PITPNC1: variants seen among roughly 807,000 people sequenced by gnomAD.
PITPNC1 encodes the protein cytoplasmic phosphatidylinositol transfer protein 1.
In PITPNC1, 18 loss-of-function variants were observed where a neutral mutation model predicts 44.7. The observed-to-expected ratio is 0.40, with a 90% confidence interval of 0.28 to 0.60. The LOEUF (loss-of-function observed/expected upper bound fraction) is 0.60. PITPNC1 is among the 20% of genes least tolerant of loss of function. The pLI, the probability that PITPNC1 is intolerant of heterozygous loss-of-function variation, is 0.39. For synonymous variants in PITPNC1, 141 were observed against 149.6 expected (o/e 0.94, Z 0.42); for missense variants, 290 against 418.4 (o/e 0.69, Z 2.68).
At chr17:67,485,367 G>C (rs1366864375) in intron 1 of PITPNC1, among the ~76,000 whole-genome samples, 1 of 141,388 alleles carries the variant, frequency 7.1e-6, no homozygotes, top group East Asian at 2.0e-4. Flanking sequence ...CATTAGTTGG[G>C]TGATTTTTTT....
intron 6 of PITPNC1, among the ~76,000 whole-genome samples, chr17:67,664,907 A>C (rs1382948904): frequency 6.8e-6 from 1 of 148,088 alleles, no homozygotes; most frequent in Non-Finnish European, 1.5e-5. Flanking sequence ...TCCATCTCAA[A>C]AAAAAAAAAA....
intron 8 of PITPNC1, among the ~76,000 whole-genome samples, chr17:67,677,516 G>A (rs984694839): frequency 6.6e-6 from 1 of 152,024 alleles, no homozygotes; most frequent in African/African-American, 2.4e-5. Flanking sequence ...GAAGGCGATG[G>A]GGCCTGACTT....
chr17:67,633,920 C>T (rs77360661), intron 6 of PITPNC1, among the ~76,000 whole-genome samples: 1,655 of 152,324 alleles, frequency 0.011, 29 homozygotes, highest in African/African-American at 0.038. Context: ...TGTGCTTTGG[C>T]GTGGCTCTGC....
chr17:67,378,232 C>A, intron 1 of PITPNC1, 30 bp downstream of exon 1: 1 of 1,429,768 alleles, frequency 7.0e-7, no homozygotes. Context: ...CGGCCTCGCC[C>A]GCTCCGGGAC....
At chr17:67,431,552 G>C (rs1181625556) in intron 1 of PITPNC1, among the ~76,000 whole-genome samples, 1 of 152,188 alleles carries the variant, frequency 6.6e-6, no homozygotes, top group Non-Finnish European at 1.5e-5. Context: ...TTTGGCCAGA[G>C]ATATTAATAA....
At chr17:67,499,251 G>T (rs936721034) in intron 1 of PITPNC1, among the ~76,000 whole-genome samples, 2 of 152,122 alleles carry the variant, frequency 1.3e-5, no homozygotes, top group Non-Finnish European at 2.9e-5. Context: ...GTCTCGCTCT[G>T]TTGCCCATGT....
intron 6 of PITPNC1, among the ~76,000 whole-genome samples, chr17:67,651,223 G>T (rs1392604249): frequency 1.2e-4 from 18 of 152,060 alleles, no homozygotes; most frequent in Non-Finnish European, 5.9e-5. Flanking sequence ...TTAAAAAACA[G>T]CTTTATTGGC....
chr17:67,630,573 C>T (rs1209593174), intron 5 of PITPNC1, among the ~76,000 whole-genome samples: 1 of 152,072 alleles, frequency 6.6e-6, no homozygotes, highest in Admixed American at 6.5e-5. Context: ...GAGCTCAGAT[C>T]CCACCACTTC....
At chr17:67,394,890 G>A (rs1032515980) in intron 1 of PITPNC1, among the ~76,000 whole-genome samples, 7 of 150,578 alleles carry the variant, frequency 4.6e-5, no homozygotes, top group East Asian at 3.9e-4. Flanking sequence ...GTGAGACCCC[G>A]TCTCGAGGAA....
At chr17:67,531,336 T>C (rs1166403391) in intron 1 of PITPNC1, among the ~76,000 whole-genome samples, 1 of 152,222 alleles carries the variant, frequency 6.6e-6, no homozygotes, top group Non-Finnish European at 1.5e-5. Flanking sequence ...CAAGCACAGG[T>C]GCACACACAC....
chr17:67,546,218 T>C (rs985823468), intron 2 of PITPNC1, among the ~76,000 whole-genome samples: 1 of 151,282 alleles, frequency 6.6e-6, no homozygotes, highest in Non-Finnish European at 1.5e-5. Context: ...AAACAGTATA[T>C]CGTCTAGAAT....
At chr17:67,493,108 A>T (rs1158199439) in intron 1 of PITPNC1, among the ~76,000 whole-genome samples, 3 of 152,138 alleles carry the variant, frequency 2.0e-5, no homozygotes, top group Non-Finnish European at 4.4e-5. Flanking sequence ...TCCGATTTGG[A>T]ATCTCTGTGT....
intron 5 of PITPNC1, among the ~76,000 whole-genome samples, chr17:67,630,927 G>A (rs2041957520): frequency 6.6e-6 from 1 of 151,610 alleles, no homozygotes; most frequent in Admixed American, 6.6e-5. Flanking sequence ...GGCCAAGCTG[G>A]TCTCAAACTC....
intron 1 of PITPNC1, among the ~76,000 whole-genome samples, chr17:67,476,853 G>T (rs1478811842): frequency 1.3e-5 from 2 of 152,072 alleles, no homozygotes; most frequent in Non-Finnish European, 2.9e-5. Context: ...GCTGCCTGGG[G>T]TTGAAGCGCT....
At chr17:67,438,516 A>G (rs1356386021) in intron 1 of PITPNC1, among the ~76,000 whole-genome samples, 7 of 152,114 alleles carry the variant, frequency 4.6e-5, no homozygotes, top group Non-Finnish European at 8.8e-5. Context: ...GGGTTTCACC[A>G]TGTTGGCCAA....
At chr17:67,585,797 G>A (rs917509620) in intron 5 of PITPNC1, among the ~76,000 whole-genome samples, 2 of 152,080 alleles carry the variant, frequency 1.3e-5, no homozygotes, top group Admixed American at 6.5e-5. Flanking sequence ...AGAGAGAGAC[G>A]CTGTCTCAAA....
At chr17:67,683,280 A>G (rs1376747932) in intron 8 of PITPNC1, among the ~76,000 whole-genome samples, 1 of 152,166 alleles carries the variant, frequency 6.6e-6, no homozygotes, top group African/African-American at 2.4e-5. Context: ...ATCAATCAAT[A>G]ATAAAGATGA....
At chr17:67,623,267 T>C (rs768815536) in intron 5 of PITPNC1, among the ~76,000 whole-genome samples, 1 of 152,202 alleles carries the variant, frequency 6.6e-6, no homozygotes. Context: ...GTATCCTCAG[T>C]AGCTTGTACA....
intron 1 of PITPNC1, among the ~76,000 whole-genome samples, chr17:67,503,439 G>A (rs1411374746): frequency 6.6e-6 from 1 of 152,140 alleles, no homozygotes; most frequent in Non-Finnish European, 1.5e-5. Flanking sequence ...CCATCTTGAC[G>A]GGGAGGGAGG....
Sources: allele counts gnomAD v4.1 joint callset (sites outside exome capture counted in the v4.1 genomes callset), GRCh38; gene constraint gnomAD v4.1.1; transcripts MANE v1.5; gene names NCBI Gene and HGNC (gene_info 2026-07-23, HGNC 2026-07-21).